RTKN2: variants seen among roughly 807,000 people sequenced by gnomAD.
RTKN2 encodes the protein rhotekin-2.
Under a neutral mutation model 71.5 loss-of-function variants are expected in RTKN2, and 69 were observed. The observed-to-expected ratio is 0.96, with a 90% confidence interval of 0.79 to 1.18. RTKN2 has a LOEUF of 1.18. RTKN2 is among the 50% of genes most tolerant of loss of function. RTKN2 has a pLI of 0.00. For synonymous variants in RTKN2, 236 were observed against 236.5 expected, an observed-to-expected ratio of 1.00 and a Z score of 0.02; for missense variants, 724 against 719.7, an observed-to-expected ratio of 1.01 and a Z score of -0.07.
At position 62,204,849 on chromosome 10, in the gene RTKN2, C is replaced by T. The variant is rs767815360; in HGVS notation, c.1186+8G>A. The T allele has an allele frequency of 1.3e-6, 2 of 1,544,140 alleles. No homozygotes were observed. Among genetic ancestry groups the T allele is most frequent in the Non-Finnish European group, 1.7e-6 (2 of 1,151,380 alleles). On this transcript the variant is annotated splice_region_variant and intron_variant, in intron 10 of 11. Coordinates refer to ENST00000373789, the MANE Select transcript of RTKN2 (RefSeq NM_145307.4). The stretch of plus-strand genomic sequence containing the variant: ...TACACAACTAAAAAAATCCAAATAT[C>T]TATTTACTAAGATCAAAGAAATGCT...
At chr10:62,239,471 CAGAT>C in intron 5 of RTKN2, 173 bp downstream of exon 5, 1 of 411,506 alleles carries the variant, frequency 2.4e-6, no homozygotes, top group South Asian at 4.5e-5. Flanking sequence ...CAGAAAACTG[CAGAT>C]AGAGAAATGG....
chr10:62,261,345 T>G (rs1410357611), intron 2 of RTKN2, among the ~76,000 whole-genome samples: 7 of 152,042 alleles, frequency 4.6e-5, no homozygotes, highest in African/African-American at 1.4e-4. Context: ...ACAAGGAGAT[T>G]AAAATAGCTA....
Position 62,204,527 on chromosome 10 carries a change from T to C in RTKN2, c.1186+330A>G, listed in dbSNP as rs1841508898. On this transcript the variant is annotated intron_variant, in intron 10 of 11. Transcript: ENST00000373789. ...CTGGAAAAGTTTTTTGTTCCTCAAA[T>C]GGCTTCTTATCCCTTGGATCAAACA... is the stretch of plus-strand genomic sequence containing the variant. Among the ~76,000 whole-genome samples the C allele has an allele frequency of 2.0e-5, 3 of 152,208 alleles. No homozygotes were observed. In the South Asian group the frequency reaches 6.2e-4, roughly 31 times the overall value.
At position 62,196,374 on chromosome 10, in the gene RTKN2, T is replaced by A. The variant is rs1317817349; in HGVS notation, c.*1534A>T. The stretch of plus-strand genomic sequence containing the variant: ...TCACCAAAAACTCTGTCTGTCCTGA[T>A]GTTACCAGTCACAAGAAACCTTTTG... On this transcript the variant is annotated 3_prime_UTR_variant, in exon 12 of 12. Transcript: ENST00000373789. The A allele has an allele frequency of 1.0e-6, 1 of 984,744 alleles. No individual in the cohort carries two copies. Among genetic ancestry groups the A allele is most frequent in the Non-Finnish European group, 1.2e-6 (1 of 829,414 alleles). The allele number at this position is 984,744 out of a possible 1,614,324, so 61.0% of individuals were successfully genotyped here.
chr10:62,268,426 T>G, intron 1 of RTKN2, 125 bp downstream of exon 1: 1 of 949,600 alleles, frequency 1.1e-6, no homozygotes, highest in Non-Finnish European at 1.7e-6. Flanking sequence ...CTCCCTTTGT[T>G]TCTGGCCACC....
chr10:62,199,675 G>T, intron 11 of RTKN2, 79 bp downstream of exon 11: 2 of 766,762 alleles, frequency 2.6e-6, no homozygotes, highest in Non-Finnish European at 4.3e-6. Context: ...GCATTTTAAT[G>T]TCAATAGAAT....
intron 2 of RTKN2, among the ~76,000 whole-genome samples, chr10:62,249,313 C>T (rs1365611731): frequency 1.7e-5 from 2 of 120,992 alleles, no homozygotes; most frequent in Non-Finnish European, 3.3e-5. Flanking sequence ...ATTGTTTTTA[C>T]AAAGCCAAAT....
intron 9 of RTKN2, among the ~76,000 whole-genome samples, chr10:62,210,771 T>C (rs1841643512): frequency 6.6e-6 from 1 of 152,036 alleles, no homozygotes; most frequent in African/African-American, 2.4e-5. Context: ...ATATAATTAT[T>C]TTAAATTTAT....
At chr10:62,256,149 G>C (rs1330102384) in intron 2 of RTKN2, among the ~76,000 whole-genome samples, 2 of 151,788 alleles carry the variant, frequency 1.3e-5, no homozygotes, top group Admixed American at 1.3e-4. Flanking sequence ...CTCTTGTGTA[G>C]CTGAGATCAT....
intron 6 of RTKN2, among the ~76,000 whole-genome samples, chr10:62,228,689 G>A (rs1390271392): frequency 6.6e-6 from 1 of 152,172 alleles, no homozygotes; most frequent in East Asian, 1.9e-4. Context: ...GAAACATGCA[G>A]GAGCCTACTG....
rs554679992 is a variant in RTKN2 at position 62,268,778 on chromosome 10, G to A, written c.-168C>T. The A allele has an allele frequency of 6.0e-6, 4 of 666,834 alleles. No homozygotes were observed. Among genetic ancestry groups the A allele is most frequent in the South Asian group, 2.0e-5 (1 of 49,876 alleles). The allele number at this position is 666,834 out of a possible 1,614,324, so 41.3% of individuals were successfully genotyped here. ...GGGCCGAAGCGCACGCGCAGTGGGC[G>A]CGCCTTGCGCTCTGCAGCTCCCGCC... On this transcript the variant is annotated 5_prime_UTR_variant, in exon 1 of 12. Coordinates refer to ENST00000373789, the MANE Select transcript of RTKN2 (RefSeq NM_145307.4).
intron 1 of RTKN2, among the ~76,000 whole-genome samples, chr10:62,264,339 T>A (rs1191284071): frequency 2.0e-5 from 3 of 152,196 alleles, no homozygotes. Context: ...AATCACCACA[T>A]AAAAACCTTC....
intron 3 of RTKN2, 87 bp downstream of exon 3, chr10:62,245,911 GA>G: frequency 1.3e-6 from 1 of 782,828 alleles, no homozygotes; most frequent in Non-Finnish European, 2.1e-6. Flanking sequence ...AAAATGAAGA[GA>G]ATGGAGACAG....
At chr10:62,254,318 T>A (rs1369964893) in intron 2 of RTKN2, among the ~76,000 whole-genome samples, 1 of 152,120 alleles carries the variant, frequency 6.6e-6, no homozygotes, top group East Asian at 1.9e-4. Context: ...CATTTCCCCA[T>A]TAGTTCGCTC....
chr10:62,254,285 T>C (rs1439886869), intron 2 of RTKN2, among the ~76,000 whole-genome samples: 1 of 152,026 alleles, frequency 6.6e-6, no homozygotes, highest in Admixed American at 6.5e-5. Context: ...TCTCAAGAGA[T>C]CTGGTTGTTT....
intron 9 of RTKN2, among the ~76,000 whole-genome samples, chr10:62,205,787 C>T (rs924910468): frequency 6.6e-6 from 1 of 152,046 alleles, no homozygotes; most frequent in South Asian, 2.1e-4. Context: ...AGTCTATTCC[C>T]AAGTCACACA....
chr10:62,228,149 T>A (rs990615757), intron 6 of RTKN2, among the ~76,000 whole-genome samples: 2 of 152,164 alleles, frequency 1.3e-5, no homozygotes, highest in African/African-American at 4.8e-5. Flanking sequence ...TTGGGAGTTA[T>A]CAGTATATAC....
chr10:62,192,115 T>C (rs979648219), downstream of RTKN2, among the ~76,000 whole-genome samples: 3 of 151,538 alleles, frequency 2.0e-5, no homozygotes, highest in African/African-American at 7.3e-5. Context: ...CCCCAAATCA[T>C]ATAGCTAAGT....
downstream of RTKN2, among the ~76,000 whole-genome samples, chr10:62,188,895 T>C (rs914534001): frequency 1.1e-4 from 16 of 151,668 alleles, no homozygotes; most frequent in Admixed American, 9.2e-4. Context: ...CTACAGGCGC[T>C]TGCCACCACG....
Sources: gnomAD v4.1 joint callset for allele counts (sites outside exome capture counted in the v4.1 genomes callset) on GRCh38, gnomAD v4.1.1 for gene constraint, MANE v1.5 for transcripts, NCBI Gene and HGNC (gene_info 2026-07-23, HGNC 2026-07-21) for gene names.